The following QRSL1 variants were observed in gnomAD, a reference collection of about 807,000 sequenced individuals.
QRSL1 encodes glutamyl-tRNA(Gln) amidotransferase subunit A, mitochondrial.
Under a neutral mutation model 61.6 loss-of-function variants are expected in QRSL1, and 54 were observed. The observed-to-expected ratio is 0.88, with a 90% CI of 0.70 to 1.10. QRSL1 has a LOEUF of 1.10. Ranked by LOEUF, QRSL1 falls within the 50% of genes least tolerant of loss-of-function variation. The pLI, the probability that QRSL1 is intolerant of heterozygous loss-of-function variation, is 0.00. For missense variants in QRSL1, 505 were observed against 622.6 expected (o/e 0.81, Z 2.01); for synonymous variants, 228 against 225.7 (o/e 1.01, Z -0.09).
chr6:106,638,334 C>T (rs184927773), intron 1 of QRSL1, among the ~76,000 whole-genome samples: 39 of 150,954 alleles, frequency 2.6e-4, no homozygotes, highest in Admixed American at 1.6e-3. Context: ...GACAGAGTTT[C>T]GCTTTTGTTG....
chr6:106,641,484 A>G (rs1161440656), intron 3 of QRSL1, among the ~76,000 whole-genome samples: 1 of 152,206 alleles, frequency 6.6e-6, no homozygotes, highest in Non-Finnish European at 1.5e-5. Context: ...GTAGCACAGT[A>G]TGGCAATGCT....
chr6:106,632,876 T>C (rs1004292049), intron 1 of QRSL1, among the ~76,000 whole-genome samples: 32 of 152,140 alleles, frequency 2.1e-4, no homozygotes, highest in African/African-American at 7.5e-4. Flanking sequence ...TCAGCTGGAG[T>C]GTGATAGTTC....
intron 3 of QRSL1, among the ~76,000 whole-genome samples, chr6:106,641,122 A>G (rs982256870): frequency 6.6e-6 from 1 of 152,180 alleles, no homozygotes; most frequent in Admixed American, 6.6e-5. Flanking sequence ...AATGAATGCT[A>G]TCTCAGAAGT....
intron 5 of QRSL1, 97 bp from the exon 6 acceptor site, chr6:106,652,112 G>C (rs1478360785): frequency 8.0e-7 from 1 of 1,249,828 alleles, no homozygotes; most frequent in East Asian, 2.5e-5. Context: ...TGTAATCAGA[G>C]GAAAATACAG....
intron 4 of QRSL1, among the ~76,000 whole-genome samples, chr6:106,645,366 A>G (rs190818899): frequency 1.0e-3 from 158 of 152,102 alleles, no homozygotes; most frequent in Non-Finnish European, 1.4e-3. Context: ...GAATGTTTTT[A>G]TGATTTCCTG....
Position 106,663,196 on chromosome 6 carries a change from C to T in QRSL1, c.1366+11C>T. On this transcript the variant is annotated intron_variant, in intron 10 of 10. Coordinates refer to ENST00000369046, the MANE Select transcript of QRSL1 (RefSeq NM_018292.5). ...CTGTAAATATGGCAGGTGAGGATTC[C>T]TCAGGAACATTCTGATTTTCTTCAA... The T allele has an allele frequency of 6.2e-7, 1 of 1,610,760 alleles. No individual in the cohort carries two copies. The highest frequency in any genetic ancestry group is 8.5e-7 in the Non-Finnish European group (1 of 1,177,080).
chr6:106,642,776 G>C, intron 3 of QRSL1: 1 of 741,024 alleles, frequency 1.3e-6, no homozygotes, highest in Non-Finnish European at 2.5e-6. Flanking sequence ...ACGCATTGAG[G>C]AAAATGATGA....
intron 1 of QRSL1, among the ~76,000 whole-genome samples, chr6:106,635,862 C>G (rs1776911828): frequency 6.7e-6 from 1 of 150,180 alleles, no homozygotes; most frequent in African/African-American, 2.5e-5. Flanking sequence ...CAGAGCGAGA[C>G]TCCATTTCAA....
chr6:106,647,556 C>CCAA (rs1777128347), intron 4 of QRSL1, among the ~76,000 whole-genome samples: 1 of 75,530 alleles, frequency 1.3e-5, no homozygotes, highest in African/African-American at 5.4e-5. Context: ...GAGACTGTCT[C>CCAA]AAAAAAAAAA....
In QRSL1 at chr6:106,654,734, A is replaced by G; in HGVS notation, c.854A>G (p.Tyr285Cys). Residue 285 changes from tyrosine to cysteine, a missense_variant, in exon 8 of 11, where the codon TAT becomes TGT. By Grantham distance (194) the Tyr-to-Cys change is radical (BLOSUM62 -2). Coordinates refer to ENST00000369046, the MANE Select transcript of QRSL1 (RefSeq NM_018292.5). ...SKLCIGIPKE[Y>C]LVPELSSEVQ... Reference sequence around the variant, plus strand: ...ATCTTGACTTTTTGCTATAAGGAATATCTTGTACCGGAATTATCAAGTGAA... The same window carrying G: ...ATCTTGACTTTTTGCTATAAGGAATGTCTTGTACCGGAATTATCAAGTGAA... 1 of 1,608,084 alleles carries G rather than the reference A, an allele frequency of 6.2e-7. No individual in the cohort carries two copies.
At chr6:106,645,669 C>T (rs1420952899) in intron 4 of QRSL1, among the ~76,000 whole-genome samples, 1 of 152,240 alleles carries the variant, frequency 6.6e-6, no homozygotes, top group Non-Finnish European at 1.5e-5. Flanking sequence ...GATCCGCCCG[C>T]CTCGTCCTCC....
At chr6:106,639,944 G>A (rs75722514) in intron 1 of QRSL1, among the ~76,000 whole-genome samples, 2,944 of 152,068 alleles carry the variant, frequency 0.019, 83 homozygotes, top group African/African-American at 0.068. Flanking sequence ...GCAATGCCTC[G>A]TCCAGTTCAC....
intron 3 of QRSL1, 163 bp from the exon 4 acceptor site, chr6:106,642,831 C>T (rs941839068): frequency 4.0e-5 from 30 of 757,144 alleles, no homozygotes; most frequent in African/African-American, 6.9e-5. Context: ...GTTCAACTGA[C>T]GTGCCAGCCT....
rs1777198127 is a variant in QRSL1, at chr6:106,652,284, C to G, written c.633C>G (p.Ser211Arg). 6.2e-7 allele frequency: 1 copy of G among 1,614,028 alleles called. No homozygotes were observed. The highest frequency in any genetic ancestry group is 1.3e-5 in the African/African-American group (1 of 74,930). The change falls in exon 6 of 11, where the codon AGC becomes AGG. Residue 211 changes from serine to arginine, a missense_variant. By Grantham distance (110) the Ser-to-Arg change is moderately radical (BLOSUM62 -1). Coordinates refer to ENST00000369046, the MANE Select transcript of QRSL1 (RefSeq NM_018292.5). ...AHCGLVGFKP[S>R]YGLVSRHGLI... ...GTGGGCTTGTTGGTTTCAAACCAAG[C>G]TATGGCTTAGTTTCCCGTCATGGTC... is the stretch of plus-strand genomic sequence containing the variant.
intron 9 of QRSL1, among the ~76,000 whole-genome samples, chr6:106,660,333 C>CA (rs200802690): frequency 6.6e-6 from 1 of 151,384 alleles, no homozygotes; most frequent in Non-Finnish European, 1.5e-5. Context: ...ACTCCCCACC[C>CA]CCCCCGTGAA....
In QRSL1 at chr6:106,662,981, A is replaced by C; in HGVS notation, c.1162A>C (p.Asn388His). 1 of 1,602,734 alleles carries C rather than the reference A, an allele frequency of 6.2e-7. No individual in the cohort carries two copies. The highest frequency in any genetic ancestry group is 1.7e-5 in the Admixed American group (1 of 59,882). The change falls in exon 10 of 11, where the codon AAC (asparagine) becomes CAC (histidine). Residue 388 changes from asparagine (N) to histidine (H), a missense_variant and splice_region_variant. Coordinates refer to ENST00000369046, the MANE Select transcript of QRSL1 (RefSeq NM_018292.5). Reference protein sequence around the residue: ...LSGNFFLLKENYENYFVKAQK... With the variant: ...LSGNFFLLKEHYENYFVKAQK... ...ACATCACCTACTTTTTTCCCACAGAAACTATGAAAATTATTTTGTCAAAGC... is the reference window on the plus strand; with the variant it reads ...ACATCACCTACTTTTTTCCCACAGACACTATGAAAATTATTTTGTCAAAGC...
chr6:106,663,020 C>T lies in QRSL1; in HGVS notation c.1201C>T (p.Arg401Cys), dbSNP rs376018861. The T allele has an allele frequency of 3.2e-5, 52 of 1,612,508 alleles. No homozygotes were observed. Among genetic ancestry groups the T allele is most frequent in the African/African-American group, 8.0e-5 (6 of 74,898 alleles). Residue 401 changes from arginine (R) to cysteine (C), a missense_variant, in exon 10 of 11, where the codon CGC (arginine) becomes TGC (cysteine). By Grantham distance (180) the Arg-to-Cys change is radical. Coordinates refer to ENST00000369046, the MANE Select transcript of QRSL1 (RefSeq NM_018292.5). ...TTTTGTCAAAGCACAGAAAGTGAGA[C>T]GCCTCATTGCTAATGACTTTGTAAA... ...NYFVKAQKVRRLIANDFVNAF... is the reference protein window; with the variant it reads ...NYFVKAQKVRCLIANDFVNAF...
At chr6:106,641,241 T>G (rs778088132) in intron 3 of QRSL1, among the ~76,000 whole-genome samples, 16 of 152,128 alleles carry the variant, frequency 1.1e-4, no homozygotes, top group Non-Finnish European at 1.8e-4. Context: ...GGAGAATCAC[T>G]TGAGCTCAGG....
In QRSL1 at chr6:106,652,773, C is replaced by G. The variant is rs368702659; in HGVS notation, c.849+191C>G. The G allele has an allele frequency of 8.0e-5, 120 of 1,497,432 alleles. 1 individual carries two copies. The African/African-American group carries it at 1.3e-3, about 16-fold the overall frequency. The allele number at this position is 1,497,432 out of a possible 1,614,324, so 92.8% of individuals were successfully genotyped here. ...AAAATAGGAATAATAAAAATACTGA[C>G]TTCAGAGAGGTTTGTGAGGATCAAT... On this transcript the variant is annotated intron_variant, in intron 7 of 10. Coordinates refer to ENST00000369046, the MANE Select transcript of QRSL1 (RefSeq NM_018292.5).
Sources: allele counts gnomAD v4.1 joint callset (sites outside exome capture counted in the v4.1 genomes callset), GRCh38; gene constraint gnomAD v4.1.1; transcripts MANE v1.5; gene names NCBI Gene and HGNC (gene_info 2026-07-23, HGNC 2026-07-21).